Variants in SSBP2 observed in about 807,000 individuals in gnomAD.
SSBP2 encodes single-stranded DNA-binding protein 2.
Under a neutral mutation model 61.8 loss-of-function variants are expected in SSBP2, and 17 were observed. The ratio of observed to expected loss-of-function variants is 0.28; its 90% CI spans 0.19 to 0.41. The LOEUF (loss-of-function observed/expected upper bound fraction) is 0.41, where lower values mean the gene tolerates loss of function less well. SSBP2 is among the 10% of genes least tolerant of loss of function. The pLI is 1.00. For missense variants in SSBP2, 310 were observed against 458.7 expected, an observed-to-expected ratio of 0.68 and a Z score of 2.96; for synonymous variants, 139 against 141.3, an observed-to-expected ratio of 0.98 and a Z score of 0.12.
At chr5:81,741,234 A>G (rs1272600240) in intron 1 of SSBP2, among the ~76,000 whole-genome samples, 1 of 152,252 alleles carries the variant, frequency 6.6e-6, no homozygotes, top group South Asian at 2.1e-4. Flanking sequence ...AGCCACAGAA[A>G]GACAAATACT....
intron 4 of SSBP2, among the ~76,000 whole-genome samples, chr5:81,572,525 TAGC>T (rs1773912302): frequency 6.6e-6 from 1 of 152,178 alleles, no homozygotes; most frequent in African/African-American, 2.4e-5. Context: ...AAATAAATTC[TAGC>T]AGCAAAGGAA....
chr5:81,574,532 A>G (rs1774065384), intron 4 of SSBP2, among the ~76,000 whole-genome samples: 1 of 152,152 alleles, frequency 6.6e-6, no homozygotes, highest in Non-Finnish European at 1.5e-5. Context: ...TAATGGCTGA[A>G]AACTTTCCAA....
At chr5:81,475,148 TAC>T (rs1445425008) in intron 6 of SSBP2, among the ~76,000 whole-genome samples, 1 of 152,158 alleles carries the variant, frequency 6.6e-6, no homozygotes, top group Non-Finnish European at 1.5e-5. Context: ...CTGGGATATA[TAC>T]TGAACCATAA....
chr5:81,641,492 T>C (rs1327124911), intron 2 of SSBP2, among the ~76,000 whole-genome samples: 1 of 152,168 alleles, frequency 6.6e-6, no homozygotes, highest in Non-Finnish European at 1.5e-5. Context: ...TAACATAAAA[T>C]CCACCCTTTT....
At chr5:81,437,548 T>C in intron 14 of SSBP2, 90 bp from the exon 15 acceptor site, 1 of 1,192,212 alleles carries the variant, frequency 8.4e-7, no homozygotes, top group Non-Finnish European at 1.2e-6. Context: ...TGAAGTATAC[T>C]ATATGTATTT....
intron 4 of SSBP2, among the ~76,000 whole-genome samples, chr5:81,548,054 T>C (rs1282833393): frequency 6.6e-6 from 1 of 152,158 alleles, no homozygotes; most frequent in East Asian, 1.9e-4. Flanking sequence ...GAACTTAAAG[T>C]GTAATAAAAA....
At chr5:81,594,043 T>C (rs556252757) in intron 4 of SSBP2, among the ~76,000 whole-genome samples, 1 of 151,688 alleles carries the variant, frequency 6.6e-6, no homozygotes, top group African/African-American at 2.4e-5. Context: ...AGACACAGAC[T>C]GGCAAATTGG....
chr5:81,420,403 T>G lies in SSBP2; in HGVS notation c.*101A>C. On this transcript the variant is annotated 3_prime_UTR_variant, in exon 17 of 17. Coordinates refer to ENST00000320672, the MANE Select transcript of SSBP2 (RefSeq NM_012446.5). Reference sequence around the variant, plus strand: ...AAAGGTTGGTTTGGTGTGACTGAGATTCCTTTGTTTAACTGTACACTGTGA... The same window carrying G: ...AAAGGTTGGTTTGGTGTGACTGAGAGTCCTTTGTTTAACTGTACACTGTGA... 1 of 1,186,018 alleles carries G rather than the reference T, an allele frequency of 8.4e-7. No homozygotes were observed. The highest frequency in any genetic ancestry group is 1.2e-6 in the Non-Finnish European group (1 of 801,306). The allele number at this position is 1,186,018 out of a possible 1,614,324, so 73.5% of individuals were successfully genotyped here.
intron 4 of SSBP2, among the ~76,000 whole-genome samples, chr5:81,559,606 G>T (rs959457247): frequency 5.3e-5 from 8 of 151,934 alleles, no homozygotes; most frequent in African/African-American, 1.9e-4. Context: ...CAAACCAGTA[G>T]CAGGTTTCTA....
chr5:81,737,450 A>T (rs980290639), intron 1 of SSBP2, among the ~76,000 whole-genome samples: 3 of 152,040 alleles, frequency 2.0e-5, no homozygotes, highest in African/African-American at 7.3e-5. Flanking sequence ...CACTCCACTG[A>T]AACTGTCCTC....
chr5:81,743,418 C>T (rs535223259), intron 1 of SSBP2, among the ~76,000 whole-genome samples: 137 of 152,310 alleles, frequency 9.0e-4, no homozygotes, highest in African/African-American at 3.2e-3. Context: ...TCATTCTCTA[C>T]ACTACATCAC....
rs186388734 is a variant in SSBP2, at chr5:81,597,660, A to G, written c.282+17813T>C. Among the ~76,000 whole-genome samples the G allele has an allele frequency of 5.2e-3, 785 of 152,254 alleles. 8 individuals are homozygous for G. Among genetic ancestry groups the G allele is most frequent in the African/African-American group, 0.018 (756 of 41,542 alleles). ...TAAGAAAATGTGGCACACATACACC[A>G]TGGAATACTATGCAGCCATAAAAAA... On this transcript the variant is annotated intron_variant, in intron 4 of 16. Transcript: ENST00000320672.
intron 1 of SSBP2, among the ~76,000 whole-genome samples, chr5:81,741,609 T>TC (rs1487465267): frequency 6.6e-6 from 1 of 151,964 alleles, no homozygotes; most frequent in East Asian, 1.9e-4. Flanking sequence ...TACCTTTCCC[T>TC]CCCCCTAACC....
At chr5:81,492,551 T>G (rs920965477) in intron 5 of SSBP2, among the ~76,000 whole-genome samples, 3 of 151,648 alleles carry the variant, frequency 2.0e-5, no homozygotes, top group Non-Finnish European at 2.9e-5. Context: ...GTTTGGCTCT[T>G]AAAATGTGTT....
At chr5:81,491,797 T>C (rs886930121) in intron 5 of SSBP2, among the ~76,000 whole-genome samples, 2 of 152,184 alleles carry the variant, frequency 1.3e-5, no homozygotes. Context: ...TCGGTTAATA[T>C]AGCTAAAAAC....
At chr5:81,456,803 C>T (rs962845081) in intron 10 of SSBP2, among the ~76,000 whole-genome samples, 3 of 152,062 alleles carry the variant, frequency 2.0e-5, no homozygotes, top group Admixed American at 6.6e-5. Flanking sequence ...GAGCAAAACA[C>T]TTTTATATGA....
At chr5:81,586,928 C>A (rs1007411351) in intron 4 of SSBP2, among the ~76,000 whole-genome samples, 4 of 151,798 alleles carry the variant, frequency 2.6e-5, no homozygotes, top group Admixed American at 2.0e-4. Context: ...AGGGACCTTC[C>A]CTAGTGGACA....
At chr5:81,516,444 TG>T (rs1371273689) in intron 4 of SSBP2, among the ~76,000 whole-genome samples, 1 of 152,104 alleles carries the variant, frequency 6.6e-6, no homozygotes, top group African/African-American at 2.4e-5. Flanking sequence ...CAAAGTGAAG[TG>T]TGCTGAATGC....
At chr5:81,432,906 G>T (rs1005983157) in intron 15 of SSBP2, among the ~76,000 whole-genome samples, 2 of 149,794 alleles carry the variant, frequency 1.3e-5, no homozygotes, top group Non-Finnish European at 3.0e-5. Flanking sequence ...CCTCTGCCCG[G>T]CCAGCCACCC....
Sources: allele counts gnomAD v4.1 joint callset (sites outside exome capture counted in the v4.1 genomes callset), GRCh38; gene constraint gnomAD v4.1.1; transcripts MANE v1.5; gene names NCBI Gene and HGNC (gene_info 2026-07-23, HGNC 2026-07-21).